SLC10A7: variants seen among roughly 807,000 people sequenced by gnomAD.
SLC10A7 encodes the protein sodium/bile acid cotransporter 7.
In SLC10A7, 29 loss-of-function variants were observed where a neutral mutation model predicts 43.2. The observed-to-expected ratio is 0.67, with a 90% CI of 0.50 to 0.92. The LOEUF (loss-of-function observed/expected upper bound fraction) is 0.92. Ranked by LOEUF, SLC10A7 falls within the 40% of genes least tolerant of loss-of-function variation. The pLI is 0.00. For missense variants in SLC10A7, 295 were observed against 403.2 expected, an observed-to-expected ratio of 0.73 and a Z score of 2.30; for synonymous variants, 152 against 144.8, an observed-to-expected ratio of 1.05 and a Z score of -0.35.
At chr4:146,463,110 A>T (rs575722477) in intron 4 of SLC10A7, among the ~76,000 whole-genome samples, 9 of 152,324 alleles carry the variant, frequency 5.9e-5, no homozygotes, top group African/African-American at 2.2e-4. Flanking sequence ...GAAATACAGC[A>T]ACTTTTAAAA....
At chr4:146,355,277 T>C (rs1295241472) in intron 5 of SLC10A7, among the ~76,000 whole-genome samples, 3 of 152,020 alleles carry the variant, frequency 2.0e-5, no homozygotes, top group East Asian at 1.9e-4. Flanking sequence ...AGCCAAAAAA[T>C]ACATGGAAAA....
intron 5 of SLC10A7, among the ~76,000 whole-genome samples, chr4:146,353,147 A>C (rs1272560587): frequency 7.3e-6 from 1 of 137,158 alleles, no homozygotes; most frequent in Non-Finnish European, 1.6e-5. Context: ...TAGCAAGACT[A>C]ATAAAGAAAA....
At chr4:146,345,989 C>T (rs1040982941) in intron 5 of SLC10A7, among the ~76,000 whole-genome samples, 34 of 152,068 alleles carry the variant, frequency 2.2e-4, no homozygotes, top group African/African-American at 8.2e-4. Flanking sequence ...AGCTAATTTG[C>T]CCAAGGTCAA....
chr4:146,316,170 A>G (rs747705599), intron 6 of SLC10A7, among the ~76,000 whole-genome samples: 2 of 152,100 alleles, frequency 1.3e-5, no homozygotes, highest in Non-Finnish European at 2.9e-5. Context: ...CAGGAACTCC[A>G]TGGACTGAGG....
chr4:146,515,375 C>T (rs1737852130), intron 2 of SLC10A7, among the ~76,000 whole-genome samples: 1 of 152,110 alleles, frequency 6.6e-6, no homozygotes, highest in African/African-American at 2.4e-5. Context: ...TATCACTGTG[C>T]CCCACATTTG....
At chr4:146,271,222 C>T (rs116798304) in intron 10 of SLC10A7, among the ~76,000 whole-genome samples, 2,013 of 152,240 alleles carry the variant, frequency 0.013, 43 homozygotes, top group African/African-American at 0.045. Flanking sequence ...GTCAAAAAGA[C>T]ATATCAAACT....
intron 7 of SLC10A7, among the ~76,000 whole-genome samples, chr4:146,303,531 C>A (rs1731308047): frequency 6.6e-6 from 1 of 152,026 alleles, no homozygotes; most frequent in Admixed American, 6.6e-5. Context: ...GCACCCACCA[C>A]CACACCCAGC....
rs1436360249 is a variant in SLC10A7, at chr4:146,256,033, G to C, written c.*458C>G. The C allele has an allele frequency of 6.2e-6, 1 of 161,252 alleles. No homozygotes were observed. Among genetic ancestry groups the C allele is most frequent in the Non-Finnish European group, 1.3e-5 (1 of 74,224 alleles). The allele number at this position is 161,252 out of a possible 1,614,324, so 10.0% of individuals were successfully genotyped here. On this transcript the variant is annotated 3_prime_UTR_variant, in exon 12 of 12. Transcript: ENST00000335472. ...CTATGACCCCTGCTGAGTTGATAAG[G>C]AAGAGGCATGTCACAGTCGTAGAAA...
At chr4:146,464,702 A>C (rs1013052012) in intron 4 of SLC10A7, among the ~76,000 whole-genome samples, 1 of 152,090 alleles carries the variant, frequency 6.6e-6, no homozygotes, top group Non-Finnish European at 1.5e-5. Context: ...TTAGAAAAAG[A>C]ATCTATGACA....
intron 5 of SLC10A7, among the ~76,000 whole-genome samples, chr4:146,426,671 G>A (rs1451358852): frequency 6.6e-6 from 1 of 152,204 alleles, no homozygotes; most frequent in East Asian, 1.9e-4. Context: ...GTCAGGAGAT[G>A]GAGACCATAC....
intron 4 of SLC10A7, among the ~76,000 whole-genome samples, chr4:146,474,384 TC>T (rs1157525676): frequency 6.6e-6 from 1 of 152,140 alleles, no homozygotes; most frequent in African/African-American, 2.4e-5. Context: ...TAATGCATCT[TC>T]CAAGTCATTA....
At chr4:146,305,781 G>T in intron 7 of SLC10A7, 145 bp downstream of exon 7, 1 of 693,714 alleles carries the variant, frequency 1.4e-6, no homozygotes, top group Non-Finnish European at 2.4e-6. Context: ...TGAGAATACT[G>T]TGATTGATGA....
chr4:146,281,732 C>T (rs1217046634), intron 10 of SLC10A7, among the ~76,000 whole-genome samples: 1 of 152,154 alleles, frequency 6.6e-6, no homozygotes, highest in East Asian at 1.9e-4. Flanking sequence ...TGAAAATCTA[C>T]AAGACAGGGG....
At chr4:146,352,672 T>C (rs1366909743) in intron 5 of SLC10A7, among the ~76,000 whole-genome samples, 1 of 99,026 alleles carries the variant, frequency 1.0e-5, no homozygotes. Flanking sequence ...AGAACAGAAA[T>C]TATAACAAAC....
At chr4:146,362,289 C>T (rs987219577) in intron 5 of SLC10A7, among the ~76,000 whole-genome samples, 9 of 151,856 alleles carry the variant, frequency 5.9e-5, no homozygotes, top group Admixed American at 3.9e-4. Context: ...AAGACTACTC[C>T]AAGACATATA....
intron 4 of SLC10A7, among the ~76,000 whole-genome samples, chr4:146,491,666 GGGAGGGAGGAAGGGAA>G (rs1186408005): frequency 2.1e-5 from 3 of 145,264 alleles, no homozygotes; most frequent in Non-Finnish European, 1.5e-5. Context: ...GAGGGAGAGA[GGGAGGGAGGAAGGGAA>G]GGAAGGAAGG....
intron 1 of SLC10A7, among the ~76,000 whole-genome samples, chr4:146,519,083 AT>A (rs1402802879): frequency 1.7e-4 from 10 of 58,566 alleles, no homozygotes; most frequent in East Asian, 1.2e-3. Context: ...ATATATATAT[AT>A]ATATATATAT....
At chr4:146,405,394 A>G (rs543151560) in intron 5 of SLC10A7, among the ~76,000 whole-genome samples, 154 of 152,302 alleles carry the variant, frequency 1.0e-3, no homozygotes, top group Non-Finnish European at 1.8e-3. Flanking sequence ...CAATAATGAA[A>G]TTTACTGAGA....
At chr4:146,313,721 C>A (rs192063280) in intron 6 of SLC10A7, among the ~76,000 whole-genome samples, 1 of 152,072 alleles carries the variant, frequency 6.6e-6, no homozygotes, top group African/African-American at 2.4e-5. Context: ...CAAATTACTA[C>A]GGAAACTAAT....
Sources: gnomAD v4.1 joint callset for allele counts (sites outside exome capture counted in the v4.1 genomes callset) on GRCh38, gnomAD v4.1.1 for gene constraint, MANE v1.5 for transcripts, NCBI Gene and HGNC (gene_info 2026-07-23, HGNC 2026-07-21) for gene names.